DYNC2I1: variants seen among roughly 807,000 people sequenced by gnomAD.
DYNC2I1 encodes dynein 2 intermediate chain 1.
DYNC2I1 carries 89 observed loss-of-function variants against 133.4 expected under a neutral mutation model. That is an observed-to-expected ratio of 0.67 (90% confidence interval 0.56 to 0.80). The LOEUF is 0.80. DYNC2I1 is among the 30% of genes least tolerant of loss of function. The pLI is 0.00. For synonymous variants in DYNC2I1, 504 were observed against 484.3 expected (o/e 1.04, Z -0.54); for missense variants, 1,291 against 1,314.5 (o/e 0.98, Z 0.28).
chr7:158,882,965 C>T (rs1169476228), intron 5 of DYNC2I1, among the ~76,000 whole-genome samples: 1 of 151,004 alleles, frequency 6.6e-6, no homozygotes, highest in African/African-American at 2.4e-5. Context: ...AAGATTTTTT[C>T]CTTTGCGTTG....
intron 1 of DYNC2I1, 24 bp downstream of exon 1, chr7:158,856,774 C>G: frequency 1.6e-6 from 2 of 1,234,020 alleles, no homozygotes; most frequent in Non-Finnish European, 1.0e-6. Context: ...TGGGTCTGGG[C>G]GAGGGGTGGT....
rs118062113 is a variant in DYNC2I1, at chr7:158,860,230, T to A, written c.15+3480T>A. Among the ~76,000 whole-genome samples the A allele has an allele frequency of 9.7e-3, 1,477 of 152,208 alleles. 13 individuals carry two copies. Among genetic ancestry groups the A allele is most frequent in the Non-Finnish European group, 0.012 (820 of 68,010 alleles). On this transcript the variant is annotated intron_variant, in intron 1 of 24. Transcript: ENST00000407559. The stretch of plus-strand genomic sequence containing the variant: ...ACCACTATGCTGGGCTAATTTTTTT[T>A]ATATTTTTAGTAGAGACACGGTTTC...
chr7:158,858,402 A>G (rs564531885), intron 1 of DYNC2I1, among the ~76,000 whole-genome samples: 10 of 152,270 alleles, frequency 6.6e-5, no homozygotes, highest in African/African-American at 1.7e-4. Context: ...TCAGGGAACA[A>G]TGTTTCTGGT....
downstream of DYNC2I1, among the ~76,000 whole-genome samples, chr7:158,946,529 C>T (rs141749758): frequency 4.6e-5 from 7 of 152,244 alleles, no homozygotes; most frequent in African/African-American, 1.7e-4. Flanking sequence ...GCTGTGCCCT[C>T]GCACAGTAGC....
rs373274533 is a variant in DYNC2I1, at chr7:158,913,008, T to A, written c.1614T>A (p.Asp538Glu). ...TKQAYVQCNE[D>E]NVERDIQTEE... Reference sequence around the variant, plus strand: ...AGGCATATGTTCAGTGTAACGAAGATAATGTTGAAAGAGACATTCAAACGG... The same window carrying A: ...AGGCATATGTTCAGTGTAACGAAGAAAATGTTGAAAGAGACATTCAAACGG... The change falls in exon 13 of 25, where the codon GAT (aspartate) becomes GAA (glutamate). Residue 538 changes from aspartate (D) to glutamate (E), a missense_variant. Transcript: ENST00000407559. 6.2e-7 allele frequency: 1 copy of A among 1,612,846 alleles called. No homozygotes were observed. The highest frequency in any genetic ancestry group is 1.1e-5 in the South Asian group (1 of 90,790).
intron 23 of DYNC2I1, among the ~76,000 whole-genome samples, chr7:158,940,737 G>A (rs544308526): frequency 1.3e-5 from 2 of 152,058 alleles, no homozygotes; most frequent in South Asian, 2.1e-4. Context: ...TGTCCAGTGG[G>A]TCAATTAAGA....
chr7:158,941,841 C>T (rs1851400683), intron 23 of DYNC2I1, 84 bp from the exon 24 acceptor site: 2 of 1,464,982 alleles, frequency 1.4e-6, no homozygotes, highest in Non-Finnish European at 1.9e-6. Flanking sequence ...TGCACCACTG[C>T]ACTCCAGGCT....
intron 19 of DYNC2I1, 137 bp downstream of exon 19, chr7:158,926,600 C>T: frequency 1.0e-6 from 1 of 1,004,614 alleles, no homozygotes; most frequent in Non-Finnish European, 1.5e-6. Flanking sequence ...CTTCTTGGTC[C>T]TGAGCAGAAG....
intron 11 of DYNC2I1, among the ~76,000 whole-genome samples, chr7:158,906,832 T>C (rs75872974): frequency 9.2e-4 from 140 of 152,338 alleles, no homozygotes; most frequent in African/African-American, 3.2e-3. Flanking sequence ...CCTTAGTCAG[T>C]ACTCAATAAA....
intron 14 of DYNC2I1, among the ~76,000 whole-genome samples, chr7:158,917,802 C>G (rs1428932805): frequency 6.6e-6 from 1 of 152,192 alleles, no homozygotes; most frequent in Non-Finnish European, 1.5e-5. Flanking sequence ...CTGCCTTCCA[C>G]ACTCTCTTCC....
At chr7:158,889,087 T>C (rs1174397665) in intron 7 of DYNC2I1, among the ~76,000 whole-genome samples, 2 of 149,980 alleles carry the variant, frequency 1.3e-5, no homozygotes, top group African/African-American at 4.9e-5. Flanking sequence ...TTTCTTTTTT[T>C]TTTTTTTTTT....
chr7:158,851,557 C>A, the DYNC2I1 span, among the ~76,000 whole-genome samples: 2 of 152,146 alleles, frequency 1.3e-5, no homozygotes, highest in African/African-American at 4.8e-5. Context: ...AGGTAAAGTT[C>A]TAGCAAAGCC....
intron 20 of DYNC2I1, 58 bp downstream of exon 20, chr7:158,927,101 A>G: frequency 7.6e-7 from 1 of 1,307,314 alleles, no homozygotes. Flanking sequence ...CGAGATTAAA[A>G]GTACTGATAA....
chr7:158,898,516 TTGAAG>T lies in DYNC2I1; in HGVS notation c.1060-3220_1060-3216del, dbSNP rs557218204. Among the ~76,000 whole-genome samples the T allele has an allele frequency of 2.9e-4, 44 of 152,358 alleles. No individual in the cohort carries two copies. The South Asian group carries it at 8.5e-3, about 29-fold the overall frequency. ...TTTATTCATGTTGACTCTCTTTACT[TTGAAG>T]TGTGCTGCGTCAGAAATTAATATAA... On this transcript the variant is annotated intron_variant, in intron 8 of 24. Transcript: ENST00000407559.
chr7:158,900,047 C>T (rs1846093278), intron 8 of DYNC2I1, among the ~76,000 whole-genome samples: 1 of 151,400 alleles, frequency 6.6e-6, no homozygotes, highest in Admixed American at 6.6e-5. Flanking sequence ...ATATTTTTCT[C>T]TCAGTACTTT....
intron 1 of DYNC2I1, among the ~76,000 whole-genome samples, chr7:158,858,081 G>A (rs896645107): frequency 6.6e-6 from 1 of 152,074 alleles, no homozygotes; most frequent in African/African-American, 2.4e-5. Context: ...GTGAGCCACC[G>A]CGCTAGGCCA....
chr7:158,958,314 G>A (rs1047800446), downstream of DYNC2I1, among the ~76,000 whole-genome samples: 10 of 152,258 alleles, frequency 6.6e-5, no homozygotes, highest in Admixed American at 5.9e-4. Context: ...GCTCTGCAGC[G>A]CCCGCCCCAC....
chr7:158,879,703 A>G lies in DYNC2I1; in HGVS notation c.593A>G (p.Lys198Arg). The G allele has an allele frequency of 6.3e-7, 1 of 1,588,248 alleles. No individual in the cohort carries two copies. The highest frequency in any genetic ancestry group is 8.5e-7 in the Non-Finnish European group (1 of 1,172,504). Residue 198 changes from lysine to arginine, a missense_variant, in exon 5 of 25, where the codon AAG becomes AGG. By Grantham distance (26) the Lys-to-Arg change is conservative. Coordinates refer to ENST00000407559, the MANE Select transcript of DYNC2I1 (RefSeq NM_018051.5). ...TTACAGCTGCAGTACGGAGACAGCA[A>G]GGACAACCCTCTCAAGTACTGGCTT... ...RERKLQYGDS[K>R]DNPLKYWLYK...
At chr7:158,897,587 T>G (rs751440578) in intron 8 of DYNC2I1, among the ~76,000 whole-genome samples, 58 of 152,206 alleles carry the variant, frequency 3.8e-4, no homozygotes, top group Non-Finnish European at 7.6e-4. Context: ...TGCAGTGATG[T>G]CCTCTTTTAC....
Sources: allele counts gnomAD v4.1 joint callset (sites outside exome capture counted in the v4.1 genomes callset), GRCh38; gene constraint gnomAD v4.1.1; transcripts MANE v1.5; gene names NCBI Gene and HGNC (gene_info 2026-07-23, HGNC 2026-07-21).